USP42: variants seen among roughly 807,000 people sequenced by gnomAD.
The protein encoded by USP42 is ubiquitin specific peptidase 42, also known as ubiquitin carboxyl-terminal hydrolase 42.
A neutral mutation model predicts 113.0 loss-of-function variants in USP42; 23 were observed. That is an observed-to-expected ratio of 0.20 (90% CI 0.15 to 0.29). The LOEUF (loss-of-function observed/expected upper bound fraction) is 0.29, where lower values mean the gene tolerates loss of function less well. Ranked by LOEUF, USP42 falls within the 10% of genes least tolerant of loss-of-function variation. USP42 has a pLI of 1.00. For missense variants in USP42, 2,174 were observed against 1,779.8 expected (o/e 1.22, Z -3.99); for synonymous variants, 933 against 699.0 (o/e 1.33, Z -5.28).
At chr7:6,125,110 G>A (rs919460583) in intron 3 of USP42, among the ~76,000 whole-genome samples, 34 of 148,844 alleles carry the variant, frequency 2.3e-4, no homozygotes, top group Admixed American at 9.5e-4. Context: ...GATCCCGGGA[G>A]TTGGAGGTTT....
chr7:6,100,782 T>G (rs1790101770), upstream of USP42, among the ~76,000 whole-genome samples: 1 of 148,612 alleles, frequency 6.7e-6, no homozygotes. Flanking sequence ...TTCTCCTGCC[T>G]CAGCCTCCTG....
rs934836813 is a variant in USP42, at chr7:6,139,878, C to T, written c.657-250C>T. 3.7e-6 allele frequency: 2 copies of T among 545,132 alleles called. No homozygotes were observed. Among genetic ancestry groups the T allele is most frequent in the African/African-American group, 1.9e-5 (1 of 52,288 alleles). 33.8% of individuals were successfully genotyped at this position (545,132 alleles called of 1,614,324 possible). A position where few individuals can be genotyped will look rare whatever the true frequency, so the allele number is the denominator to read the frequency against. On this transcript the variant is annotated intron_variant, in intron 5 of 17. Transcript: ENST00000306177. This position sits in a 1 kb window ranked among gnomAD's most constrained non-coding sequence, Gnocchi z 4.5. ...GCTTCAGGACCAGACTCCTGCCTTG[C>T]TTCCCGAGTCCCTTCCTGACAGACA...
At chr7:6,120,559 C>T (rs1780169517) in intron 3 of USP42, among the ~76,000 whole-genome samples, 1 of 150,954 alleles carries the variant, frequency 6.6e-6, no homozygotes, top group Non-Finnish European at 1.5e-5. Flanking sequence ...CTCAGCCTTT[C>T]AAAGTGTTGG....
intron 3 of USP42, among the ~76,000 whole-genome samples, chr7:6,119,375 G>A (rs981211660): frequency 2.0e-5 from 3 of 152,200 alleles, no homozygotes; most frequent in Non-Finnish European, 4.4e-5. Flanking sequence ...GGAGACTGAG[G>A]TGAGAGGCTC....
chr7:6,122,415 A>G (rs1780277357), intron 3 of USP42, among the ~76,000 whole-genome samples: 1 of 151,736 alleles, frequency 6.6e-6, no homozygotes, highest in Admixed American at 6.6e-5. Context: ...CTTCCCAAGT[A>G]GCTGAGACTA....
chr7:6,125,198 A>C (rs1044605513), intron 3 of USP42, among the ~76,000 whole-genome samples: 4 of 147,454 alleles, frequency 2.7e-5, no homozygotes, highest in African/African-American at 1.0e-4. Context: ...AAAAAAAAAA[A>C]AAAAAACAGG....
At chr7:6,109,549 A>G (rs891009813) in intron 1 of USP42, among the ~76,000 whole-genome samples, 10 of 152,050 alleles carry the variant, frequency 6.6e-5, no homozygotes, top group African/African-American at 2.4e-4. Flanking sequence ...GTGCGCCACC[A>G]TGCCTGGTTA....
the USP42 span, among the ~76,000 whole-genome samples, chr7:6,095,774 C>T: frequency 4.0e-4 from 60 of 150,786 alleles, no homozygotes; most frequent in Non-Finnish European, 8.1e-4. Context: ...ATGGGTATTT[C>T]GATTTTTGTT....
chr7:6,137,035 G>A lies in USP42; in HGVS notation c.553+1084G>A, dbSNP rs542599229. Among the ~76,000 whole-genome samples, 6 of 152,290 alleles carry A rather than the reference G, an allele frequency of 3.9e-5. 1 individual carries two copies. In the South Asian group the frequency reaches 1.2e-3, roughly 32 times the overall value. On this transcript the variant is annotated intron_variant, in intron 4 of 17. Coordinates refer to ENST00000306177, the MANE Select transcript of USP42 (RefSeq NM_032172.3). ...TAATTTTTGAATTTTAAATGGGTAA[G>A]TGCATGAAATTTTCTTACATTCTGT...
intron 1 of USP42, among the ~76,000 whole-genome samples, chr7:6,107,189 C>T (rs566801836): frequency 6.6e-6 from 1 of 151,994 alleles, no homozygotes; most frequent in African/African-American, 2.4e-5. Flanking sequence ...ATTGTGCTTT[C>T]GTTAAATTTT....
chr7:6,124,720 A>T (rs1435088509), intron 3 of USP42, among the ~76,000 whole-genome samples: 1 of 150,740 alleles, frequency 6.6e-6, no homozygotes, highest in African/African-American at 2.4e-5. Context: ...TTTTTTTCCT[A>T]TTTGTCCCAT....
chr7:6,083,289 G>A, the USP42 span, among the ~76,000 whole-genome samples: 10 of 143,866 alleles, frequency 7.0e-5, no homozygotes, highest in South Asian at 8.7e-4. Flanking sequence ...ACAGTCTAGC[G>A]CTGTGGCCCA....
chr7:6,140,338 G>T, intron 6 of USP42, 143 bp downstream of exon 6: 1 of 732,458 alleles, frequency 1.4e-6, no homozygotes, highest in East Asian at 2.6e-5. Context: ...CCCAGAGGCA[G>T]CCTCGGTGCC....
At chr7:6,150,345 C>T in intron 13 of USP42, 43 bp downstream of exon 13, 1 of 1,607,598 alleles carries the variant, frequency 6.2e-7, no homozygotes, top group Non-Finnish European at 8.5e-7. Context: ...GTGGCGGTTC[C>T]CTTGGCTGGA....
chr7:6,134,119 C>T (rs928928846), intron 3 of USP42, among the ~76,000 whole-genome samples: 3 of 152,070 alleles, frequency 2.0e-5, no homozygotes, highest in Non-Finnish European at 4.4e-5. Context: ...TCTCGATCTC[C>T]TGACCTCGTG....
intron 7 of USP42, among the ~76,000 whole-genome samples, chr7:6,141,520 A>G (rs1438002485): frequency 6.6e-6 from 1 of 151,848 alleles, no homozygotes; most frequent in Non-Finnish European, 1.5e-5. Context: ...ATATCTTAAT[A>G]AAACTAGATT....
In USP42 at chr7:6,149,858, C is replaced by G. The variant is rs1051605069; in HGVS notation, c.1662C>G (p.Pro554=). The G allele has an allele frequency of 6.2e-7, 1 of 1,614,066 alleles. No individual in the cohort carries two copies. Among genetic ancestry groups the G allele is most frequent in the Admixed American group, 1.7e-5 (1 of 60,030 alleles). ...NSLENPTKPV[P]SSTITNSAVQ... The stretch of plus-strand genomic sequence containing the variant: ...TGGAGAACCCTACCAAGCCCGTTCC[C>G]TCTTCTACCATTACCAATTCTGCAG... The change falls in exon 13 of 18, where the codon CCC becomes CCG. Residue 554 remains proline (P), a synonymous_variant. Transcript: ENST00000306177.
At chr7:6,142,875 C>T in intron 7 of USP42, 57 bp from the exon 8 acceptor site, 2 of 1,577,684 alleles carry the variant, frequency 1.3e-6, no homozygotes, top group Non-Finnish European at 1.7e-6. Flanking sequence ...CAGGGCAAGA[C>T]CCAAACACAA....
intron 14 of USP42, among the ~76,000 whole-genome samples, chr7:6,150,710 G>A (rs970048884): frequency 1.3e-5 from 2 of 152,280 alleles, no homozygotes; most frequent in East Asian, 1.9e-4. Context: ...CTGAGTCCAC[G>A]GAAACTTGAT....
Sources: allele counts gnomAD v4.1 joint callset (sites outside exome capture counted in the v4.1 genomes callset), GRCh38; gene constraint gnomAD v4.1.1; non-coding constraint Gnocchi (gnomAD v3.1); transcripts MANE v1.5; gene names NCBI Gene and HGNC (gene_info 2026-07-23, HGNC 2026-07-21).